Variants in SMYD3 observed in about 807,000 individuals in gnomAD.
The protein encoded by SMYD3 is SET and MYND domain containing 3, also known as histone-lysine N-methyltransferase SMYD3.
A neutral mutation model predicts 57.7 loss-of-function variants in SMYD3; 36 were observed. The observed-to-expected ratio is 0.62, with a 90% CI of 0.48 to 0.82. The LOEUF is 0.82. Ranked by LOEUF, SMYD3 falls within the 40% of genes least tolerant of loss-of-function variation. SMYD3 has a pLI of 0.00. For missense variants in SMYD3, 515 were observed against 538.8 expected (o/e 0.96, Z 0.44); for synonymous variants, 211 against 195.0 (o/e 1.08, Z -0.68).
intron 8 of SMYD3, among the ~76,000 whole-genome samples, chr1:245,892,039 G>GA (rs1390163230): frequency 2.0e-5 from 3 of 151,574 alleles, no homozygotes; most frequent in Non-Finnish European, 4.4e-5. Flanking sequence ...TCTCAAAACA[G>GA]AAAAAAGAAA....
In SMYD3 at chr1:245,813,901, T is replaced by C. The variant is rs5023053; in HGVS notation, c.1076+44595A>G. ...ATATATATATATATATATATATATA[T>C]ATACAGATGAATCACTGGCATGAGA... On this transcript the variant is annotated intron_variant, in intron 10 of 11. Coordinates refer to ENST00000490107, the MANE Select transcript of SMYD3 (RefSeq NM_001167740.2). 9.5e-3 allele frequency among the ~76,000 whole-genome samples: 1,167 copies of C among 123,110 alleles called. 24 individuals are homozygous for C. The highest frequency in any genetic ancestry group is 0.074 in the East Asian group (323 of 4,348). 80.8% of individuals were successfully genotyped at this position (123,110 alleles called of 152,430 possible).
rs545198306 is a variant in SMYD3 at position 246,352,234 on chromosome 1, GCAATACCC to G, written c.228+2789_228+2796del. Among the ~76,000 whole-genome samples, 35 of 150,472 alleles carry G rather than the reference GCAATACCC, an allele frequency of 2.3e-4. No homozygotes were observed. The South Asian group carries it at 6.7e-3, about 29-fold the overall frequency. ...TGGGCACAAGGTACATGTTACACCTGCAATACCCCAATAGCCTCTCTCAGACAACTTGA... is the reference window on the plus strand; with the variant it reads ...TGGGCACAAGGTACATGTTACACCTGCAATAGCCTCTCTCAGACAACTTGA... On this transcript the variant is annotated intron_variant, in intron 2 of 11. Coordinates refer to ENST00000490107, the MANE Select transcript of SMYD3 (RefSeq NM_001167740.2).
At position 245,774,664 on chromosome 1, in the gene SMYD3, C is replaced by CGTCTCCCTCTCCCTTTCCCACG. The variant is rs1301875488; in HGVS notation, c.1077-10537_1077-10516dup. 7.6e-3 allele frequency among the ~76,000 whole-genome samples: 986 copies of CGTCTCCCTCTCCCTTTCCCACG among 129,718 alleles called. 22 individuals are homozygous for CGTCTCCCTCTCCCTTTCCCACG. The highest frequency in any genetic ancestry group is 0.024 in the African/African-American group (895 of 36,650). The allele number at this position is 129,718 out of a possible 152,430, so 85.1% of individuals were successfully genotyped here. A position where few individuals can be genotyped will look rare whatever the true frequency, so the allele number is the denominator to read the frequency against. Reference sequence around the variant, plus strand: ...AGTCTCCCTCTCCCTCTCTTTCCACCGTCTCCCTCTCCCTTTCCCACGGTC... The same window carrying CGTCTCCCTCTCCCTTTCCCACG: ...AGTCTCCCTCTCCCTCTCTTTCCACCGTCTCCCTCTCCCTTTCCCACGGTCTCCCTCTCCCTTTCCCACGGTC... On this transcript the variant is annotated intron_variant, in intron 10 of 11. Coordinates refer to ENST00000490107, the MANE Select transcript of SMYD3 (RefSeq NM_001167740.2).
At chr1:245,798,446 AAAAATATG>A (rs2047682713) in intron 10 of SMYD3, among the ~76,000 whole-genome samples, 8 of 104,664 alleles carry the variant, frequency 7.6e-5, no homozygotes, top group Non-Finnish European at 1.3e-4. Flanking sequence ...ACACACACAT[AAAAATATG>A]CACACACATA....
chr1:245,880,596 G>C (rs1253389626), intron 8 of SMYD3, among the ~76,000 whole-genome samples: 1 of 152,180 alleles, frequency 6.6e-6, no homozygotes, highest in Admixed American at 6.5e-5. Flanking sequence ...GTAAAAACCA[G>C]TCCAATCCTT....
intron 5 of SMYD3, among the ~76,000 whole-genome samples, chr1:246,307,557 C>A (rs1210131413): frequency 6.6e-6 from 1 of 150,560 alleles, no homozygotes; most frequent in African/African-American, 2.4e-5. Context: ...GTAGCTGGGA[C>A]TACAGGCGCC....
intron 5 of SMYD3, among the ~76,000 whole-genome samples, chr1:246,057,057 G>A (rs1483438249): frequency 6.6e-6 from 1 of 152,078 alleles, no homozygotes; most frequent in African/African-American, 2.4e-5. Flanking sequence ...CAGCTACTCC[G>A]GAAGCTGTGG....
rs148241418 is a variant in SMYD3, at chr1:246,325,049, A to G, written c.531+2152T>C. On this transcript the variant is annotated intron_variant, in intron 5 of 11. Transcript: ENST00000490107. The stretch of plus-strand genomic sequence containing the variant: ...AAGGAGGGAGAAGGAGTCGGGGGGC[A>G]GGAAGGAGGGAGAAGGAGTCGCGGG... 8.1e-3 allele frequency among the ~76,000 whole-genome samples: 140 copies of G among 17,310 alleles called. 2 individuals carry two copies. The highest frequency in any genetic ancestry group is 0.035 in the East Asian group (4 of 114). The allele number at this position is 17,310 out of a possible 152,430, so 11.4% of individuals were successfully genotyped here.
chr1:246,263,236 G>T (rs2064043121), intron 5 of SMYD3, among the ~76,000 whole-genome samples: 1 of 152,130 alleles, frequency 6.6e-6, no homozygotes, highest in African/African-American at 2.4e-5. Flanking sequence ...TTTGAGGGAA[G>T]TTATTTCACT....
At chr1:246,002,069 C>T (rs1311554858) in intron 5 of SMYD3, among the ~76,000 whole-genome samples, 1 of 152,136 alleles carries the variant, frequency 6.6e-6, no homozygotes, top group Non-Finnish European at 1.5e-5. Context: ...TAGAACCAAA[C>T]CCATCATTTT....
intron 5 of SMYD3, among the ~76,000 whole-genome samples, chr1:245,978,773 A>G (rs1403575364): frequency 6.6e-6 from 1 of 152,088 alleles, no homozygotes; most frequent in East Asian, 1.9e-4. Flanking sequence ...CTTACTTCCC[A>G]AACTCCTCTC....
chr1:245,944,539 C>A (rs754142173), intron 5 of SMYD3, among the ~76,000 whole-genome samples: 1 of 152,134 alleles, frequency 6.6e-6, no homozygotes, highest in Non-Finnish European at 1.5e-5. Flanking sequence ...TAGGAGAAAT[C>A]TTTATTATGA....
chr1:246,130,371 A>G (rs528199797), intron 5 of SMYD3, among the ~76,000 whole-genome samples: 1 of 152,138 alleles, frequency 6.6e-6, no homozygotes, highest in Non-Finnish European at 1.5e-5. Context: ...TCTCCCAAAA[A>G]CCAAAATATT....
chr1:246,073,043 A>T (rs1302177995), intron 5 of SMYD3, among the ~76,000 whole-genome samples: 1 of 152,212 alleles, frequency 6.6e-6, no homozygotes, highest in African/African-American at 2.4e-5. Flanking sequence ...TCATCAAAAC[A>T]TGTCTGTCAG....
chr1:246,123,582 AC>A (rs1297625325), intron 5 of SMYD3, among the ~76,000 whole-genome samples: 13 of 123,902 alleles, frequency 1.0e-4, no homozygotes, highest in African/African-American at 4.6e-4. Context: ...ACACACACAC[AC>A]ACACACACAC....
chr1:246,201,622 A>C (rs955755961), intron 5 of SMYD3, among the ~76,000 whole-genome samples: 9 of 152,222 alleles, frequency 5.9e-5, no homozygotes, highest in Non-Finnish European at 8.8e-5. Flanking sequence ...TGAAAATCTC[A>C]GTTGCTCTAA....
intron 2 of SMYD3, among the ~76,000 whole-genome samples, chr1:246,353,656 G>C (rs1164407051): frequency 1.3e-5 from 2 of 152,098 alleles, no homozygotes; most frequent in Non-Finnish European, 2.9e-5. Context: ...TGAATACCTG[G>C]GTTTCATTCC....
intron 5 of SMYD3, among the ~76,000 whole-genome samples, chr1:246,091,656 T>C (rs2060825259): frequency 6.6e-6 from 1 of 152,330 alleles, no homozygotes. Context: ...AACACATACT[T>C]GCGTGGTTTA....
chr1:246,227,633 AAAG>A (rs1052502941), intron 5 of SMYD3, among the ~76,000 whole-genome samples: 6 of 151,906 alleles, frequency 3.9e-5, no homozygotes, highest in African/African-American at 7.3e-5. Flanking sequence ...AGAAGAGAAG[AAAG>A]AAGAAGAAGG....
Sources: gnomAD v4.1 joint callset for allele counts (sites outside exome capture counted in the v4.1 genomes callset) on GRCh38, gnomAD v4.1.1 for gene constraint, MANE v1.5 for transcripts, NCBI Gene and HGNC (gene_info 2026-07-23, HGNC 2026-07-21) for gene names.